Variants in KLRG1 observed in about 807,000 individuals in gnomAD.
KLRG1 encodes killer cell lectin-like receptor subfamily G member 1.
KLRG1 carries 16 observed loss-of-function variants against 21.8 expected under a neutral mutation model. The ratio of observed to expected loss-of-function variants is 0.73; its 90% CI spans 0.50 to 1.11. The LOEUF is 1.11. Ranked by LOEUF, KLRG1 falls within the 50% of genes most tolerant of loss-of-function variation. KLRG1 has a pLI of 0.00. For synonymous variants in KLRG1, 69 were observed against 75.9 expected (o/e 0.91, Z 0.47); for missense variants, 173 against 218.3 (o/e 0.79, Z 1.31).
At chr12:9,072,567 G>C in the KLRG1 span, 2 of 1,599,510 alleles carry the variant, frequency 1.3e-6, no homozygotes, top group African/African-American at 2.7e-5. Context: ...TCTCTGATCT[G>C]TCCCATTGTT....
chr12:9,074,430 T>G, the KLRG1 span: 1 of 862,450 alleles, frequency 1.2e-6, no homozygotes, highest in East Asian at 2.7e-5. Context: ...TATCCTTGGA[T>G]ACTGAAAACT....
At chr12:8,985,824 A>G (rs766510508), upstream of KLRG1, among the ~76,000 whole-genome samples, 2 of 152,140 alleles carry the variant, frequency 1.3e-5, no homozygotes, top group Admixed American at 6.5e-5. Context: ...TTGGGTTTTT[A>G]TGGAAGCTTC....
chr12:9,195,085 A>G, the KLRG1 span, among the ~76,000 whole-genome samples: 10 of 152,196 alleles, frequency 6.6e-5, no homozygotes, highest in Admixed American at 6.5e-4. Flanking sequence ...TAGCCAGAAG[A>G]GAATAATTTG....
At chr12:9,035,572 G>A in the KLRG1 span, among the ~76,000 whole-genome samples, 31 of 149,388 alleles carry the variant, frequency 2.1e-4, no homozygotes, top group African/African-American at 7.2e-4. Flanking sequence ...CGTTCTGCAC[G>A]TGTACTCCAG....
chr12:9,027,815 C>T, the KLRG1 span: 23 of 1,204,632 alleles, frequency 1.9e-5, no homozygotes, highest in East Asian at 5.3e-4. Flanking sequence ...CCAAAGCCAC[C>T]ATGACCATGA....
chr12:9,178,155 A>G, the KLRG1 span, among the ~76,000 whole-genome samples: 3 of 152,176 alleles, frequency 2.0e-5, no homozygotes, highest in Non-Finnish European at 4.4e-5. Flanking sequence ...CAAGATTTCC[A>G]TTATCTGTGG....
At chr12:9,163,694 T>C in the KLRG1 span, 1 of 1,613,962 alleles carries the variant, frequency 6.2e-7, no homozygotes, top group South Asian at 1.1e-5. Context: ...TTGATGACTG[T>C]GTCTTTTCTT....
chr12:9,150,413 G>T, the KLRG1 span, among the ~76,000 whole-genome samples: 28 of 152,092 alleles, frequency 1.8e-4, no homozygotes, highest in Non-Finnish European at 2.9e-4. Flanking sequence ...CTCCATAGTA[G>T]CTGGGATTAC....
chr12:9,095,405 G>T, the KLRG1 span: 1 of 818,082 alleles, frequency 1.2e-6, no homozygotes, highest in Non-Finnish European at 1.9e-6. Context: ...GCTGCTATTA[G>T]TAGAGAAGCC....
intron 1 of KLRG1, among the ~76,000 whole-genome samples, chr12:8,972,421 A>G (rs1946585894): frequency 6.6e-6 from 1 of 152,152 alleles, no homozygotes. Context: ...GGCATCCCAA[A>G]GTGCTGGGAT....
At chr12:9,063,260 T>G in the KLRG1 span, among the ~76,000 whole-genome samples, 7 of 152,240 alleles carry the variant, frequency 4.6e-5, no homozygotes, top group Non-Finnish European at 7.3e-5. Context: ...ATTCTATTTC[T>G]TTCCAACTTT....
the KLRG1 span, among the ~76,000 whole-genome samples, chr12:9,181,515 T>G: frequency 9.2e-5 from 14 of 152,342 alleles, 1 homozygote; most frequent in South Asian, 2.9e-3. Context: ...CTTTTAAACA[T>G]GACTATTACA....
chr12:9,107,687 A>G, the KLRG1 span: 6 of 1,601,728 alleles, frequency 3.7e-6, no homozygotes, highest in Non-Finnish European at 5.1e-6. Flanking sequence ...CAGACACTGA[A>G]CCTCCCCATT....
At chr12:9,055,296 TC>T in the KLRG1 span, among the ~76,000 whole-genome samples, 3 of 152,366 alleles carry the variant, frequency 2.0e-5, no homozygotes, top group African/African-American at 4.8e-5. Flanking sequence ...ATAAACCATT[TC>T]TTCTGCTTTT....
At chr12:9,107,540 T>C in the KLRG1 span, 1 of 1,613,958 alleles carries the variant, frequency 6.2e-7, no homozygotes. Context: ...ACTGAATTTC[T>C]CACAGAAAGC....
chr12:9,163,531 GC>G, the KLRG1 span: 640 of 996,666 alleles, frequency 6.4e-4, 4 homozygotes, highest in East Asian at 0.015. Flanking sequence ...CTGCTGCAAT[GC>G]TTTTAGGGCA....
At chr12:9,017,964 GCC>G in the KLRG1 span, among the ~76,000 whole-genome samples, 1 of 152,128 alleles carries the variant, frequency 6.6e-6, no homozygotes, top group Non-Finnish European at 1.5e-5. Flanking sequence ...ATTTCTATAT[GCC>G]AACAGTGAAC....
the KLRG1 span, among the ~76,000 whole-genome samples, chr12:9,175,805 C>T: frequency 1.3e-5 from 2 of 152,052 alleles, no homozygotes; most frequent in Non-Finnish European, 2.9e-5. Flanking sequence ...AGTCAAAAAA[C>T]AACAGATGCT....
chr12:9,166,600 T>C, the KLRG1 span, among the ~76,000 whole-genome samples: 1 of 152,126 alleles, frequency 6.6e-6, no homozygotes, highest in African/African-American at 2.4e-5. Flanking sequence ...AAAAATGAAA[T>C]TACCAGTGGA....
Sources: allele counts gnomAD v4.1 joint callset (sites outside exome capture counted in the v4.1 genomes callset), GRCh38; gene constraint gnomAD v4.1.1; transcripts MANE v1.5; gene names NCBI Gene and HGNC (gene_info 2026-07-23, HGNC 2026-07-21).